The following LYPD6B variants were observed in gnomAD, a reference collection of about 807,000 sequenced individuals.
LYPD6B encodes the protein LY6/PLAUR domain containing 6B.
In LYPD6B, 17 loss-of-function variants were observed where a neutral mutation model predicts 22.8. The ratio of observed to expected loss-of-function variants is 0.75; its 90% confidence interval spans 0.51 to 1.12. The LOEUF is 1.12. LYPD6B is among the 50% of genes most tolerant of loss of function. The pLI, the probability that LYPD6B is intolerant of heterozygous loss-of-function variation, is 0.00. For missense variants in LYPD6B, 221 were observed against 258.3 expected, an observed-to-expected ratio of 0.86 and a Z score of 0.99; for synonymous variants, 106 against 91.6, an observed-to-expected ratio of 1.16 and a Z score of -0.90.
At chr2:149,192,065 A>G (rs1692528396) in intron 3 of LYPD6B, among the ~76,000 whole-genome samples, 1 of 150,108 alleles carries the variant, frequency 6.7e-6, no homozygotes, top group Non-Finnish European at 1.5e-5. Flanking sequence ...AGCAAGGCCT[A>G]GGTAAAGCGT....
intron 4 of LYPD6B, among the ~76,000 whole-genome samples, 179 bp from the exon 5 acceptor site, chr2:149,208,135 T>A (rs1045540441): frequency 2.6e-5 from 4 of 152,176 alleles, no homozygotes; most frequent in Non-Finnish European, 4.4e-5. Context: ...CAAAAGGGAA[T>A]AAAGAAAATT....
Position 149,113,499 on chromosome 2 carries a change from C to T in LYPD6B, c.-66-17384C>T, listed in dbSNP as rs561443510. ...GGAAGAGACTCTACTGCAAAGTTTT[C>T]TGTCCTGGCTAAGTGGGCAGTATAA... On this transcript the variant is annotated intron_variant, in intron 1 of 6. Transcript: ENST00000409642. 3.3e-5 allele frequency among the ~76,000 whole-genome samples: 5 copies of T among 152,264 alleles called. No individual in the cohort carries two copies. The East Asian group carries it at 9.6e-4, about 29-fold the overall frequency.
At chr2:149,132,768 G>T (rs1688108441) in intron 2 of LYPD6B, among the ~76,000 whole-genome samples, 1 of 152,168 alleles carries the variant, frequency 6.6e-6, no homozygotes, top group South Asian at 2.1e-4. Flanking sequence ...TTGCTGCTTG[G>T]CAGGCAGTTT....
At chr2:149,089,708 T>G (rs965801436) in intron 1 of LYPD6B, among the ~76,000 whole-genome samples, 10 of 152,226 alleles carry the variant, frequency 6.6e-5, no homozygotes, top group Non-Finnish European at 1.3e-4. Context: ...TATTAACAAT[T>G]CCTGGTTTTC....
At chr2:149,146,069 C>T (rs1383979824) in intron 2 of LYPD6B, among the ~76,000 whole-genome samples, 1 of 152,178 alleles carries the variant, frequency 6.6e-6, no homozygotes, top group Non-Finnish European at 1.5e-5. Context: ...ATCTGATATT[C>T]ATTAAGCTTC....
chr2:149,122,572 C>T (rs1288326972), intron 1 of LYPD6B, among the ~76,000 whole-genome samples: 1 of 126,892 alleles, frequency 7.9e-6, no homozygotes, highest in African/African-American at 2.9e-5. Flanking sequence ...CTCCCCCCTC[C>T]CCCCACCCCA....
At chr2:149,177,978 T>C (rs1691441983) in intron 3 of LYPD6B, among the ~76,000 whole-genome samples, 1 of 152,214 alleles carries the variant, frequency 6.6e-6, no homozygotes, top group South Asian at 2.1e-4. Flanking sequence ...TTTTATAATT[T>C]ACTCTGTACT....
chr2:149,175,049 C>CTG (rs1471965256), intron 3 of LYPD6B, among the ~76,000 whole-genome samples: 1,422 of 135,588 alleles, frequency 0.01, 19 homozygotes, highest in South Asian at 0.03. Flanking sequence ...CTCTCTCTCT[C>CTG]TCTCTCTCTC....
chr2:149,213,845 G>C (rs1442032559), intron 6 of LYPD6B, among the ~76,000 whole-genome samples: 1 of 152,128 alleles, frequency 6.6e-6, no homozygotes, highest in African/African-American at 2.4e-5. Flanking sequence ...TTTTTAAAAA[G>C]TTCCCCGAGG....
chr2:149,060,571 G>A (rs988600996), intron 1 of LYPD6B, among the ~76,000 whole-genome samples: 1 of 152,156 alleles, frequency 6.6e-6, no homozygotes, highest in Non-Finnish European at 1.5e-5. Context: ...GCATTTGTGA[G>A]TTTCCTGGGG....
chr2:149,178,664 G>A (rs1348335742), intron 3 of LYPD6B, among the ~76,000 whole-genome samples: 1 of 152,168 alleles, frequency 6.6e-6, no homozygotes, highest in Non-Finnish European at 1.5e-5. Context: ...CTTTCTTCCT[G>A]ATACTAATAC....
intron 1 of LYPD6B, among the ~76,000 whole-genome samples, chr2:149,112,649 T>G (rs2105543905): frequency 6.6e-6 from 1 of 152,318 alleles, no homozygotes; most frequent in South Asian, 2.1e-4. Context: ...ATGGTTAGTA[T>G]GAGGTTTAAG....
chr2:149,148,353 G>C (rs1335241707), intron 2 of LYPD6B, among the ~76,000 whole-genome samples: 1 of 152,200 alleles, frequency 6.6e-6, no homozygotes, highest in African/African-American at 2.4e-5. Context: ...GCTGGAGGGA[G>C]TGACTGACAA....
intron 1 of LYPD6B, among the ~76,000 whole-genome samples, chr2:149,086,952 T>G (rs898703899): frequency 6.6e-6 from 1 of 152,174 alleles, no homozygotes; most frequent in Non-Finnish European, 1.5e-5. Context: ...AATGAGTTTG[T>G]TTTAATGTAA....
chr2:149,079,314 C>T (rs4667359), intron 1 of LYPD6B, among the ~76,000 whole-genome samples: 125,890 of 152,050 alleles, frequency 0.83, 52,550 homozygotes, highest in East Asian at 1. Flanking sequence ...AATACTAAAT[C>T]GAATCTAGAT....
chr2:149,126,565 C>T (rs143546064), intron 1 of LYPD6B, among the ~76,000 whole-genome samples: 131 of 152,048 alleles, frequency 8.6e-4, no homozygotes, highest in African/African-American at 3.0e-3. Context: ...TACATTGAGT[C>T]AGCTGAGGAG....
intron 2 of LYPD6B, among the ~76,000 whole-genome samples, chr2:149,147,232 A>G (rs1689081215): frequency 6.6e-6 from 1 of 151,886 alleles, no homozygotes; most frequent in African/African-American, 2.4e-5. Context: ...AAAACAAAAA[A>G]CGAAGCAGAA....
chr2:149,178,116 C>A (rs573082026), intron 3 of LYPD6B, among the ~76,000 whole-genome samples: 1 of 151,860 alleles, frequency 6.6e-6, no homozygotes, highest in Non-Finnish European at 1.5e-5. Context: ...AGAAAAATAT[C>A]CTTGACTCCA....
chr2:149,154,131 C>G (rs1442056633), intron 2 of LYPD6B: 10 of 538,566 alleles, frequency 1.9e-5, no homozygotes, highest in Middle Eastern at 9.6e-4. Context: ...CCCCCACCCC[C>G]CAAAAAAATC....
Sources: gnomAD v4.1 joint callset for allele counts (sites outside exome capture counted in the v4.1 genomes callset) on GRCh38, gnomAD v4.1.1 for gene constraint, MANE v1.5 for transcripts, NCBI Gene and HGNC (gene_info 2026-07-23, HGNC 2026-07-21) for gene names.